The following RAP1GDS1 variants were observed in gnomAD, a reference collection of about 807,000 sequenced individuals.
The protein encoded by RAP1GDS1 is RAP1, GTP-GDP dissociation stimulator 1.
Under a neutral mutation model 71.1 loss-of-function variants are expected in RAP1GDS1, and 35 were observed. The ratio of observed to expected loss-of-function variants is 0.49; its 90% CI spans 0.38 to 0.65. The LOEUF is 0.65. RAP1GDS1 is among the 30% of genes least tolerant of loss of function. RAP1GDS1 has a pLI of 0.00. For synonymous variants in RAP1GDS1, 229 were observed against 243.1 expected (o/e 0.94, Z 0.54); for missense variants, 663 against 706.1 (o/e 0.94, Z 0.69).
At chr4:98,400,649 G>A (rs1027988497) in intron 6 of RAP1GDS1, among the ~76,000 whole-genome samples, 8 of 151,898 alleles carry the variant, frequency 5.3e-5, no homozygotes, top group African/African-American at 1.7e-4. Context: ...GTAAGCTTTA[G>A]TGTTCTGTAC....
At chr4:98,407,733 T>C (rs543150598) in intron 7 of RAP1GDS1, among the ~76,000 whole-genome samples, 3 of 152,140 alleles carry the variant, frequency 2.0e-5, no homozygotes, top group Non-Finnish European at 4.4e-5. Context: ...CAGTGTACAC[T>C]ATTCAGATGA....
chr4:98,397,551 G>C (rs539577621), intron 6 of RAP1GDS1, among the ~76,000 whole-genome samples: 34 of 152,242 alleles, frequency 2.2e-4, no homozygotes, highest in African/African-American at 8.2e-4. Flanking sequence ...AGAGAGGATT[G>C]TACGAGAATA....
At chr4:98,387,326 A>C (rs1414849862) in intron 5 of RAP1GDS1, 3 of 396,608 alleles carry the variant, frequency 7.6e-6, no homozygotes, top group Non-Finnish European at 1.6e-5. Context: ...GAATCACTGG[A>C]ATTCTCAGCA....
At chr4:98,397,751 A>G (rs1744763500) in intron 6 of RAP1GDS1, among the ~76,000 whole-genome samples, 1 of 152,080 alleles carries the variant, frequency 6.6e-6, no homozygotes, top group Non-Finnish European at 1.5e-5. Flanking sequence ...TGCCTATCCA[A>G]GGAGAATGCT....
rs1366653926 is a variant in RAP1GDS1 at position 98,416,732 on chromosome 4, C to T, written c.764-13C>T. ...TCTCAAAGTTTGATTATTTTGTTCA[C>T]GTTGTTCTTTAGATGCTATTAAACT... is the stretch of plus-strand genomic sequence containing the variant. On this transcript the variant is annotated splice_polypyrimidine_tract_variant and intron_variant, in intron 7 of 14. Transcript: ENST00000408927. 2.8e-5 allele frequency: 45 copies of T among 1,581,930 alleles called. No individual in the cohort carries two copies. Among genetic ancestry groups the T allele is most frequent in the Admixed American group, 6.8e-5 (4 of 58,774 alleles).
chr4:98,306,794 T>C (rs1181117207), intron 2 of RAP1GDS1, among the ~76,000 whole-genome samples: 1 of 152,202 alleles, frequency 6.6e-6, no homozygotes, highest in Non-Finnish European at 1.5e-5. Context: ...ACTTTTTACT[T>C]CAGTAGTGCT....
intron 1 of RAP1GDS1, among the ~76,000 whole-genome samples, chr4:98,263,104 G>A (rs2110215303): frequency 6.6e-6 from 1 of 152,188 alleles, no homozygotes; most frequent in East Asian, 1.9e-4. Flanking sequence ...ACATACACAC[G>A]TTTATGTGTG....
intron 14 of RAP1GDS1, among the ~76,000 whole-genome samples, chr4:98,439,442 G>A (rs1384385106): frequency 1.3e-5 from 2 of 152,168 alleles, no homozygotes; most frequent in Non-Finnish European, 2.9e-5. Flanking sequence ...TTCTTGAATT[G>A]ATAGGTTTAT....
chr4:98,398,653 C>G (rs1460002818), intron 6 of RAP1GDS1, among the ~76,000 whole-genome samples: 1 of 152,106 alleles, frequency 6.6e-6, no homozygotes, highest in South Asian at 2.1e-4. Flanking sequence ...CAAATTGTGC[C>G]TGCAAACATG....
At chr4:98,431,252 C>G (rs1025635939) in intron 12 of RAP1GDS1, among the ~76,000 whole-genome samples, 1 of 152,156 alleles carries the variant, frequency 6.6e-6, no homozygotes, top group African/African-American at 2.4e-5. Flanking sequence ...ATGATACAAT[C>G]TTGAAAAAGA....
chr4:98,418,663 A>T lies in RAP1GDS1; in HGVS notation c.1046A>T (p.Asn349Ile). 1 of 1,586,292 alleles carries T rather than the reference A, an allele frequency of 6.3e-7. No homozygotes were observed. The highest frequency in any genetic ancestry group is 8.5e-7 in the Non-Finnish European group (1 of 1,171,726). Reference protein sequence around the residue: ...AIANFARNDANCIHMVDNGIV... With the variant: ...AIANFARNDAICIHMVDNGIV... Reference sequence around the variant, plus strand: ...TGTGTGTTTTTTTTTTCAGATGCAAATTGTATTCATATGGTAGACAATGGG... The same window carrying T: ...TGTGTGTTTTTTTTTTCAGATGCAATTTGTATTCATATGGTAGACAATGGG... Residue 349 changes from asparagine (N) to isoleucine (I), a missense_variant, in exon 10 of 15, where the codon AAT (asparagine) becomes ATT (isoleucine). Transcript: ENST00000408927.
chr4:98,284,202 T>G (rs540717084), intron 1 of RAP1GDS1, among the ~76,000 whole-genome samples: 1 of 152,278 alleles, frequency 6.6e-6, no homozygotes, highest in East Asian at 1.9e-4. Context: ...TCCATATAAT[T>G]TTTAAAAATA....
intron 6 of RAP1GDS1, among the ~76,000 whole-genome samples, chr4:98,393,300 C>T (rs1215445918): frequency 6.6e-6 from 1 of 152,160 alleles, no homozygotes; most frequent in Non-Finnish European, 1.5e-5. Context: ...AAAAGTCATT[C>T]TTACTCAATG....
intron 13 of RAP1GDS1, among the ~76,000 whole-genome samples, 158 bp downstream of exon 13, chr4:98,434,220 G>A (rs541316940): frequency 2.6e-5 from 4 of 152,274 alleles, no homozygotes; most frequent in Non-Finnish European, 5.9e-5. Context: ...TATATAGATT[G>A]TTACAGCTGT....
intron 1 of RAP1GDS1, among the ~76,000 whole-genome samples, chr4:98,277,866 A>G (rs1477845067): frequency 6.6e-6 from 1 of 152,236 alleles, no homozygotes; most frequent in Non-Finnish European, 1.5e-5. Context: ...TATACCATGT[A>G]GATGGATTTT....
chr4:98,272,176 G>A (rs1723556728), intron 1 of RAP1GDS1, among the ~76,000 whole-genome samples: 1 of 152,334 alleles, frequency 6.6e-6, no homozygotes, highest in Non-Finnish European at 1.5e-5. Flanking sequence ...TATTGGGTTA[G>A]TGTGTAAGTA....
At chr4:98,309,138 A>G (rs1349426826) in intron 2 of RAP1GDS1, among the ~76,000 whole-genome samples, 1 of 152,056 alleles carries the variant, frequency 6.6e-6, no homozygotes, top group African/African-American at 2.4e-5. Context: ...GTGTTTCAAG[A>G]TTTAATAATA....
intron 1 of RAP1GDS1, among the ~76,000 whole-genome samples, chr4:98,266,886 C>T (rs1722779484): frequency 1.3e-5 from 2 of 152,088 alleles, no homozygotes; most frequent in South Asian, 2.1e-4. Context: ...TGGATGCTCT[C>T]CAGAAATTCC....
chr4:98,408,147 C>T (rs1746435027), intron 7 of RAP1GDS1, among the ~76,000 whole-genome samples: 1 of 151,534 alleles, frequency 6.6e-6, no homozygotes. Flanking sequence ...CTCACTCTGT[C>T]ACCCAGGCTG....
Sources: gnomAD v4.1 joint callset for allele counts (sites outside exome capture counted in the v4.1 genomes callset) on GRCh38, gnomAD v4.1.1 for gene constraint, MANE v1.5 for transcripts, NCBI Gene and HGNC (gene_info 2026-07-23, HGNC 2026-07-21) for gene names.